The following MBD2 variants were observed in gnomAD, a reference collection of about 807,000 sequenced individuals.
MBD2 encodes methyl-CpG-binding domain protein 2.
In MBD2, 9 loss-of-function variants were observed where a neutral mutation model predicts 39.3. The observed-to-expected ratio is 0.23, with a 90% CI of 0.14 to 0.40. The LOEUF (loss-of-function observed/expected upper bound fraction) is 0.40, where lower values mean the gene tolerates loss of function less well. Among genes scored for constraint, MBD2 ranks in the 10% least tolerant of loss-of-function variants. The pLI, the probability that MBD2 is intolerant of heterozygous loss-of-function variation, is 1.00. For missense variants in MBD2, 458 were observed against 532.6 expected (o/e 0.86, Z 1.38); for synonymous variants, 233 against 211.1 (o/e 1.10, Z -0.90).
At chr18:54,220,122 A>C (rs1015315286) in intron 1 of MBD2, among the ~76,000 whole-genome samples, 2 of 152,212 alleles carry the variant, frequency 1.3e-5, no homozygotes, top group Admixed American at 1.3e-4. Context: ...TTTTTAAAAA[A>C]GGCAAGAGGG....
chr18:54,214,399 A>G (rs988627221), intron 1 of MBD2, among the ~76,000 whole-genome samples: 6 of 151,878 alleles, frequency 4.0e-5, no homozygotes, highest in Non-Finnish European at 2.9e-5. Context: ...GAGTCTCACT[A>G]TGTTAGCCAG....
chr18:54,202,872 C>A (rs1293906552), intron 2 of MBD2: 1 of 1,301,936 alleles, frequency 7.7e-7, no homozygotes, highest in Non-Finnish European at 1.1e-6. Context: ...GTCACAAATA[C>A]AATGGCAAAG....
intron 1 of MBD2, among the ~76,000 whole-genome samples, chr18:54,212,227 T>C (rs1399064284): frequency 6.6e-6 from 1 of 152,160 alleles, no homozygotes; most frequent in Non-Finnish European, 1.5e-5. Flanking sequence ...TGCATGATGC[T>C]ACCCCTAGTC....
At chr18:54,159,317 G>C (rs933226425) in intron 6 of MBD2, among the ~76,000 whole-genome samples, 15 of 152,032 alleles carry the variant, frequency 9.9e-5, no homozygotes, top group African/African-American at 3.6e-4. Context: ...AATCCAGAGA[G>C]AAGAAACAAA....
At chr18:54,218,655 T>C (rs2086582571) in intron 1 of MBD2, among the ~76,000 whole-genome samples, 1 of 152,152 alleles carries the variant, frequency 6.6e-6, no homozygotes, top group Admixed American at 6.5e-5. Flanking sequence ...ACCTGTTTCA[T>C]AGGGTTATAA....
At chr18:54,209,739 G>A (rs2086485334) in intron 1 of MBD2, among the ~76,000 whole-genome samples, 1 of 152,190 alleles carries the variant, frequency 6.6e-6, no homozygotes, top group South Asian at 2.1e-4. Flanking sequence ...TAGGAATTCT[G>A]CCCATGAGAT....
At chr18:54,194,815 T>A (rs900322728) in intron 2 of MBD2, among the ~76,000 whole-genome samples, 6 of 152,090 alleles carry the variant, frequency 3.9e-5, no homozygotes, top group African/African-American at 1.4e-4. Flanking sequence ...ATCAAAAAAA[T>A]TTAACAATCA....
At chr18:54,185,575 G>T (rs747813361) in intron 3 of MBD2, among the ~76,000 whole-genome samples, 2 of 152,060 alleles carry the variant, frequency 1.3e-5, no homozygotes, top group African/African-American at 2.4e-5. Context: ...ATTATGAAGG[G>T]GGTAAACTAG....
At chr18:54,211,480 T>TA (rs2086507353) in intron 1 of MBD2, among the ~76,000 whole-genome samples, 2 of 151,598 alleles carry the variant, frequency 1.3e-5, no homozygotes, top group Non-Finnish European at 2.9e-5. Context: ...CTTAACTCCT[T>TA]TCCCCTTAAT....
At chr18:54,176,671 G>A (rs2086214480) in intron 3 of MBD2, among the ~76,000 whole-genome samples, 1 of 152,162 alleles carries the variant, frequency 6.6e-6, no homozygotes, top group South Asian at 2.1e-4. Flanking sequence ...GCCCCATATA[G>A]TATCTGAATT....
intron 3 of MBD2, 144 bp from the exon 4 acceptor site, chr18:54,166,310 T>C (rs1172135867): frequency 3.2e-6 from 2 of 617,680 alleles, no homozygotes; most frequent in South Asian, 2.0e-5. Flanking sequence ...CTAAATGATA[T>C]TCCAAACATG....
chr18:54,224,004 C>T lies in MBD2; in HGVS notation c.542+14G>A. 1 of 1,596,694 alleles carries T rather than the reference C, an allele frequency of 6.3e-7. No individual in the cohort carries two copies. The stretch of plus-strand genomic sequence containing the variant: ...CCTGACCCCGCCACCCCCTCCCCGC[C>T]CCCAGGGAGGTACCTGAAGTAGTAG... On this transcript the variant is annotated intron_variant, in intron 1 of 6. Coordinates refer to ENST00000256429, the MANE Select transcript of MBD2 (RefSeq NM_003927.5).
intron 1 of MBD2, among the ~76,000 whole-genome samples, chr18:54,210,471 C>A (rs918243767): frequency 1.3e-5 from 2 of 152,168 alleles, no homozygotes; most frequent in Admixed American, 6.6e-5. Context: ...AGAAGACCTG[C>A]TGCCTGCATG....
rs1363529446 is a variant in MBD2, at chr18:54,151,625, AT to A, written c.*3698del. ...AAACAGTTTTAAAGCTTCAAAATTTATTGCTGTACATTTTCTCATAGCATTT... is the reference window on the plus strand; with the variant it reads ...AAACAGTTTTAAAGCTTCAAAATTTATGCTGTACATTTTCTCATAGCATTT... On this transcript the variant is annotated 3_prime_UTR_variant, in exon 7 of 7. Coordinates refer to ENST00000256429, the MANE Select transcript of MBD2 (RefSeq NM_003927.5). 6.6e-6 allele frequency: 1 copy of A among 152,194 alleles called. No homozygotes were observed. The highest frequency in any genetic ancestry group is 1.5e-5 in the Non-Finnish European group (1 of 68,040). The allele number at this position is 152,194 out of a possible 1,614,324, so 9.4% of individuals were successfully genotyped here.
chr18:54,219,405 A>G (rs2144354734), intron 1 of MBD2, among the ~76,000 whole-genome samples: 1 of 152,342 alleles, frequency 6.6e-6, no homozygotes, highest in South Asian at 2.1e-4. Context: ...GTAAACCCTT[A>G]TTTAGCATCT....
At chr18:54,215,823 C>CA (rs1490245758) in intron 1 of MBD2, among the ~76,000 whole-genome samples, 1 of 144,938 alleles carries the variant, frequency 6.9e-6, no homozygotes, top group African/African-American at 2.6e-5. Context: ...GTTTCTGAGA[C>CA]AGAGTTTCGC....
At chr18:54,213,635 A>T (rs922339619) in intron 1 of MBD2, among the ~76,000 whole-genome samples, 9 of 152,236 alleles carry the variant, frequency 5.9e-5, no homozygotes, top group Admixed American at 1.3e-4. Context: ...TGAATTGGGG[A>T]CTAGACACTG....
intron 1 of MBD2, chr18:54,222,481 T>C (rs2086624179): frequency 2.7e-6 from 1 of 377,108 alleles, no homozygotes; most frequent in Non-Finnish European, 5.3e-6. Flanking sequence ...TATCACACTT[T>C]TTCTTTTTTT....
chr18:54,220,619 G>A (rs755926447), intron 1 of MBD2, among the ~76,000 whole-genome samples: 1 of 152,178 alleles, frequency 6.6e-6, no homozygotes, highest in Non-Finnish European at 1.5e-5. Flanking sequence ...GAACAATTGG[G>A]TGCAGGTGTT....
Sources: allele counts gnomAD v4.1 joint callset (sites outside exome capture counted in the v4.1 genomes callset), GRCh38; gene constraint gnomAD v4.1.1; transcripts MANE v1.5; gene names NCBI Gene and HGNC (gene_info 2026-07-23, HGNC 2026-07-21).